SETD1B: variants seen among roughly 807,000 people sequenced by gnomAD.
SETD1B encodes SET domain containing 1B, histone lysine methyltransferase.
Under a neutral mutation model 148.0 loss-of-function variants are expected in SETD1B, and 7 were observed. That is an observed-to-expected ratio of 0.05 (90% CI 0.03 to 0.09). The LOEUF (loss-of-function observed/expected upper bound fraction) is 0.09, where lower values mean the gene tolerates loss of function less well. Among genes scored for constraint, SETD1B ranks in the 10% least tolerant of loss-of-function variants. The pLI is 1.00. For synonymous variants in SETD1B, 1,361 were observed against 1,186.5 expected (o/e 1.15, Z -3.02); for missense variants, 2,155 against 2,729.9 (o/e 0.79, Z 4.69).
upstream of SETD1B, chr12:121,800,474 T>G (rs1667578): frequency 0.78 from 118,822 of 151,784 alleles, 47,167 homozygotes; most frequent in East Asian, 0.98. Flanking sequence ...GCCAGGCCGG[T>G]CCGCGGCTTC....
Position 121,822,971 on chromosome 12 carries a change from C to A in SETD1B, c.4392C>A (p.Ser1464=). Residue 1464 remains serine, a synonymous_variant, in exon 12 of 17, where the codon TCC becomes TCA. Coordinates refer to ENST00000604567, the MANE Select transcript of SETD1B (RefSeq NM_001353345.2). ...RRDERSGPLA[S]PVLLETGLPL... ...ATGAACGCTCCGGGCCCCTGGCCTC[C>A]CCGGTGCTCCTGGAGACGGGCCTGC... 4.6e-6 allele frequency: 7 copies of A among 1,537,948 alleles called. No homozygotes were observed. Among genetic ancestry groups the A allele is most frequent in the Non-Finnish European group, 6.1e-6 (7 of 1,142,322 alleles).
the SETD1B span, chr12:121,795,852 G>C: frequency 6.5e-6 from 1 of 152,732 alleles, no homozygotes; most frequent in Non-Finnish European, 1.5e-5. Flanking sequence ...AAATGGGGCT[G>C]TGATCTCTGC....
chr12:121,793,580 C>T, the SETD1B span: 1 of 1,553,372 alleles, frequency 6.4e-7, no homozygotes, highest in Non-Finnish European at 8.7e-7. Flanking sequence ...TCTTCAGCTC[C>T]TTCCTGCCCG....
rs562225424 is a variant in SETD1B at position 121,814,586 on chromosome 12, G to A, written c.2371G>A (p.Ala791Thr). 3.7e-5 allele frequency: 56 copies of A among 1,526,558 alleles called. No homozygotes were observed. The highest frequency in any genetic ancestry group is 4.7e-5 in the Non-Finnish European group (53 of 1,132,902). 94.6% of individuals were successfully genotyped at this position (1,526,558 alleles called of 1,614,324 possible). Residue 791 changes from alanine to threonine, a missense_variant, in exon 7 of 17, where the codon GCC becomes ACC. By Grantham distance (58) the Ala-to-Thr change is moderately conservative. Around this residue, in one of 11 missense-constraint regions of SETD1B, gnomAD observed 289 missense variants for 423.7 expected, o/e 0.68. Transcript: ENST00000604567. ...CAGCCGGCTGATGACGGGCCAGGGC[G>A]CCTGCCCCTACCCGCCCTTCATGGC... ...VLSRLMTGQGACPYPPFMAAA... is the reference protein window; with the variant it reads ...VLSRLMTGQGTCPYPPFMAAA...
chr12:121,826,018 A>G (rs1314686795), intron 13 of SETD1B, among the ~76,000 whole-genome samples: 1 of 152,044 alleles, frequency 6.6e-6, no homozygotes, highest in South Asian at 2.1e-4. Context: ...TTCTGGGTCT[A>G]TAGCAGTGAA....
chr12:121,808,071 T>C lies in SETD1B; in HGVS notation c.545-137T>C. 1.6e-6 allele frequency: 1 copy of C among 629,316 alleles called. No homozygotes were observed. The highest frequency in any genetic ancestry group is 2.8e-6 in the Non-Finnish European group (1 of 355,152). 39.0% of individuals were successfully genotyped at this position (629,316 alleles called of 1,614,324 possible). A position where few individuals can be genotyped will look rare whatever the true frequency, so the allele number is the denominator to read the frequency against. On this transcript the variant is annotated intron_variant, in intron 4 of 16. Transcript: ENST00000604567. The surrounding 1 kb of genome is among the most constrained non-coding windows in gnomAD (Gnocchi z 5.3). ...GAGCGAGGTGCAGAGGGGTGGGAAC[T>C]CAGGGCCACACAGCCTCCCTAGGAC...
chr12:121,815,942 C>T (rs1040024567), intron 7 of SETD1B, among the ~76,000 whole-genome samples: 1 of 151,298 alleles, frequency 6.6e-6, no homozygotes, highest in Non-Finnish European at 1.5e-5. Flanking sequence ...ATTCTCCTGC[C>T]TCAGTGTCCT....
Position 121,805,689 on chromosome 12 carries a change from ATT to A in SETD1B, c.274-131_274-130del, listed in dbSNP as rs67605254. ...CGTGCATTTTTTTTTTCCAAAAAAA[ATT>A]TTTTTTTTTTTTTTAATTTTTAGTT... is the stretch of plus-strand genomic sequence containing the variant. On this transcript the variant is annotated intron_variant, in intron 3 of 16. Coordinates refer to ENST00000604567, the MANE Select transcript of SETD1B (RefSeq NM_001353345.2). The surrounding 1 kb of genome is among the most constrained non-coding windows in gnomAD (Gnocchi z 4.2). 347,123 of 545,262 alleles carry A rather than the reference ATT, an allele frequency of 0.64. 93,663 individuals are homozygous for A. Among genetic ancestry groups the A allele is most frequent in the Admixed American group, 0.75 (17,057 of 22,724 alleles). 33.8% of individuals were successfully genotyped at this position (545,262 alleles called of 1,614,324 possible).
chr12:121,831,918 C>G lies in SETD1B; in HGVS notation c.*1679C>G, dbSNP rs1247959314. 6.6e-6 allele frequency: 1 copy of G among 151,774 alleles called. No individual in the cohort carries two copies. 9.4% of individuals were successfully genotyped at this position (151,774 alleles called of 1,614,324 possible). ...GTTGTTTTTTTTTTATTCCTTTCCC[C>G]CAGGCCCTCTCTATTTGAGACTGTG... On this transcript the variant is annotated 3_prime_UTR_variant, in exon 17 of 17. Transcript: ENST00000604567.
the SETD1B span, chr12:121,797,816 A>C: frequency 2.9e-6 from 1 of 348,120 alleles, no homozygotes; most frequent in Non-Finnish European, 5.7e-6. Context: ...GGTTTCAGGG[A>C]GTATAGAAGG....
At chr12:121,806,128 G>C in intron 4 of SETD1B, 23 bp downstream of exon 4, 1 of 1,546,656 alleles carries the variant, frequency 6.5e-7, no homozygotes, top group Non-Finnish European at 8.7e-7. Flanking sequence ...GGGGAGGAGC[G>C]TGGGGAGACC....
chr12:121,809,870 A>G lies in SETD1B; in HGVS notation c.925A>G (p.Lys309Glu). The change falls in exon 6 of 17, where the codon AAG becomes GAG. Residue 309 changes from lysine (K) to glutamate (E), a missense_variant. Transcript: ENST00000604567. ...CAGCCAGGACCCTGCAGTGACCTTC[A>G]AGGCCCGGCGCCACGAGAGCAAGTT... ...LFSQDPAVTF[K>E]ARRHESKFTD... 6.4e-7 allele frequency: 1 copy of G among 1,551,238 alleles called. No individual in the cohort carries two copies. Among genetic ancestry groups the G allele is most frequent in the Non-Finnish European group, 8.7e-7 (1 of 1,146,964 alleles).
At position 121,814,242 on chromosome 12, in the gene SETD1B, C is replaced by A; in HGVS notation, c.2027C>A (p.Ala676Asp). 1.3e-6 allele frequency: 2 copies of A among 1,516,094 alleles called. No homozygotes were observed. The highest frequency in any genetic ancestry group is 1.8e-6 in the Non-Finnish European group (2 of 1,134,452). The allele number at this position is 1,516,094 out of a possible 1,614,324, so 93.9% of individuals were successfully genotyped here. Residue 676 changes from alanine (A) to aspartate (D), a missense_variant, in exon 7 of 17, where the codon GCC becomes GAC. Physicochemically the swap from Ala to Asp is moderately radical, Grantham distance 126. This residue lies in a region of SETD1B where 295 missense variants were observed against 303.8 expected (regional missense o/e 0.97). Transcript: ENST00000604567. ...AAAVAAPSVL[A>D]PTLPLPPPPG... ...GCCGTGGCAGCCCCTTCTGTGCTAGCCCCAACCCTGCCGCTGCCCCCGCCA... is the reference window on the plus strand; with the variant it reads ...GCCGTGGCAGCCCCTTCTGTGCTAGACCCAACCCTGCCGCTGCCCCCGCCA...
the SETD1B span, among the ~76,000 whole-genome samples, chr12:121,794,716 C>T: frequency 6.6e-6 from 1 of 152,102 alleles, no homozygotes; most frequent in African/African-American, 2.4e-5. Flanking sequence ...TCCTCTTACT[C>T]CTCACCCTGG....
At chr12:121,790,890 T>C in the SETD1B span, among the ~76,000 whole-genome samples, 15 of 152,336 alleles carry the variant, frequency 9.8e-5, no homozygotes, top group Non-Finnish European at 1.5e-4. Context: ...TTTTTATTTT[T>C]TGAAACAGGG....
Position 121,822,891 on chromosome 12 carries a change from G to A in SETD1B, c.4312G>A (p.Glu1438Lys), listed in dbSNP as rs1423328258. The change falls in exon 12 of 17, where the codon GAG becomes AAG. Residue 1438 changes from glutamate to lysine, a missense_variant. Around this residue, in one of 11 missense-constraint regions of SETD1B, gnomAD observed 862 missense variants for 873.8 expected, o/e 0.99. Coordinates refer to ENST00000604567, the MANE Select transcript of SETD1B (RefSeq NM_001353345.2). Reference protein sequence around the residue: ...RDFSFTPTFSEPSGPLLLPVC... With the variant: ...RDFSFTPTFSKPSGPLLLPVC... Reference sequence around the variant, plus strand: ...CTTCAGCTTCACACCCACCTTCTCCGAGCCCAGCGGGCCCTTGCTCCTGCC... The same window carrying A: ...CTTCAGCTTCACACCCACCTTCTCCAAGCCCAGCGGGCCCTTGCTCCTGCC... 6 of 1,491,806 alleles carry A rather than the reference G, an allele frequency of 4.0e-6. No individual in the cohort carries two copies. The highest frequency in any genetic ancestry group is 2.5e-5 in the East Asian group (1 of 40,336). 92.4% of individuals were successfully genotyped at this position (1,491,806 alleles called of 1,614,324 possible).
rs1353244404 is a variant in SETD1B, at chr12:121,814,281, C to T, written c.2066C>T (p.Pro689Leu). The change falls in exon 7 of 17, where the codon CCG becomes CTG. Residue 689 changes from proline (P) to leucine (L), a missense_variant. Pro to Leu is a moderately conservative substitution (Grantham distance 98). This residue lies in a region of SETD1B where 295 missense variants were observed against 303.8 expected (regional missense o/e 0.97). Transcript: ENST00000604567. ...LPLPPPPGFP[P>L]LPPPPPPPPP... Reference sequence around the variant, plus strand: ...CTGCCCCCGCCACCTGGCTTCCCCCCGCTGCCCCCCCCACCACCACCACCC... The same window carrying T: ...CTGCCCCCGCCACCTGGCTTCCCCCTGCTGCCCCCCCCACCACCACCACCC... 4 of 1,372,994 alleles carry T rather than the reference C, an allele frequency of 2.9e-6. No homozygotes were observed. The highest frequency in any genetic ancestry group is 2.9e-6 in the Non-Finnish European group (3 of 1,025,230). The allele number at this position is 1,372,994 out of a possible 1,614,324, so 85.1% of individuals were successfully genotyped here.
chr12:121,828,347 T>G (rs1194231920), intron 16 of SETD1B, among the ~76,000 whole-genome samples: 3 of 152,262 alleles, frequency 2.0e-5, no homozygotes, highest in Non-Finnish European at 4.4e-5. Context: ...ATTGGTAATT[T>G]CGGAGTTATT....
At chr12:121,800,695 G>A (rs988101593), upstream of SETD1B, 5 of 148,744 alleles carry the variant, frequency 3.4e-5, no homozygotes, top group Non-Finnish European at 4.5e-5. Context: ...CCAGCCACGG[G>A]CAGCGCGCGA....
Sources: gnomAD v4.1 joint callset for allele counts (sites outside exome capture counted in the v4.1 genomes callset) on GRCh38, gnomAD v4.1.1 for gene constraint, gnomAD v4.1.1 regional missense constraint, Gnocchi (gnomAD v3.1) non-coding constraint, MANE v1.5 for transcripts, NCBI Gene and HGNC (gene_info 2026-07-23, HGNC 2026-07-21) for gene names.